The following REPS2 variants were observed in gnomAD, a reference collection of about 807,000 sequenced individuals.
REPS2 encodes ralBP1-associated Eps domain-containing protein 2.
A neutral mutation model predicts 53.6 loss-of-function variants in REPS2; 23 were observed. That is an observed-to-expected ratio of 0.43 (90% CI 0.31 to 0.61). REPS2 has a LOEUF of 0.61. REPS2 is among the 20% of genes least tolerant of loss of function. REPS2 has a pLI of 0.11. For synonymous variants in REPS2, 238 were observed against 218.6 expected (o/e 1.09, Z -0.78); for missense variants, 446 against 534.9 (o/e 0.83, Z 1.64).
intron 13 of REPS2, among the ~76,000 whole-genome samples, chrX:17,084,326 C>G (rs2062502095): frequency 8.9e-6 from 1 of 112,106 alleles, no homozygotes; most frequent in South Asian, 3.7e-4. Flanking sequence ...GTTGTTTCCA[C>G]TTTTTGACTA....
At chrX:17,008,777 G>A (rs1439845899) in intron 2 of REPS2, among the ~76,000 whole-genome samples, 1 of 111,392 alleles carries the variant, frequency 9.0e-6, no homozygotes, top group Non-Finnish European at 1.9e-5. Flanking sequence ...TAATCTGAAA[G>A]GCTGTGCTAG....
intron 1 of REPS2, among the ~76,000 whole-genome samples, chrX:16,965,681 A>T (rs943224535): frequency 2.8e-4 from 32 of 112,637 alleles, no homozygotes; most frequent in African/African-American, 1.0e-3. Context: ...GGCCGGGAAG[A>T]GGCGCTCCTC....
the REPS2 span, among the ~76,000 whole-genome samples, chrX:17,168,221 A>G: frequency 2.7e-5 from 3 of 111,779 alleles, no homozygotes; most frequent in African/African-American, 9.8e-5. Context: ...ACTCTCAACC[A>G]ATAGAAGGTA....
At chrX:17,167,248 G>A in the REPS2 span, among the ~76,000 whole-genome samples, 1 of 112,056 alleles carries the variant, frequency 8.9e-6, no homozygotes, top group Non-Finnish European at 1.9e-5. Flanking sequence ...TGGGTGGTAG[G>A]ATTATGAGGG....
rs2061060446 is a variant in REPS2 at position 16,984,178 on chromosome X, C to T, written c.274-22043C>T. Reference sequence around the variant, plus strand: ...ATGGAGATTGCAAACAAGTTGTCTTCCAGGGCTGCAGCGATCTGAAGACCT... The same window carrying T: ...ATGGAGATTGCAAACAAGTTGTCTTTCAGGGCTGCAGCGATCTGAAGACCT... On this transcript the variant is annotated intron_variant, in intron 1 of 17. Coordinates refer to ENST00000357277, the MANE Select transcript of REPS2 (RefSeq NM_004726.3). 3.6e-5 allele frequency among the ~76,000 whole-genome samples: 4 copies of T among 112,084 alleles called. No individual in the cohort carries two copies. In the South Asian group the frequency reaches 1.5e-3, roughly 42 times the overall value.
At position 17,149,147 on chromosome X, in the gene REPS2, T is replaced by C. The variant is rs964403490; in HGVS notation, c.*1666T>C. The C allele has an allele frequency of 4.1e-6, 1 of 246,071 alleles. No homozygotes were observed. The highest frequency in any genetic ancestry group is 1.1e-4 in the East Asian group (1 of 8,974). The allele number at this position is 246,071 out of a possible 1,213,427, so 20.3% of individuals were successfully genotyped here. On this transcript the variant is annotated 3_prime_UTR_variant, in exon 18 of 18. Coordinates refer to ENST00000357277, the MANE Select transcript of REPS2 (RefSeq NM_004726.3). ...AAACTTGAACTATTTTTCTATTCCCTTTTTTTCTTCCCCATTTGCTGCCTT... is the reference window on the plus strand; with the variant it reads ...AAACTTGAACTATTTTTCTATTCCCCTTTTTTCTTCCCCATTTGCTGCCTT...
Position 17,119,903 on chromosome X carries a change from G to T in REPS2, c.1579-13921G>T, listed in dbSNP as rs769811252. Among the ~76,000 whole-genome samples, 4 of 75,315 alleles carry T rather than the reference G, an allele frequency of 5.3e-5. No individual in the cohort carries two copies. The South Asian group carries it at 3.4e-3, about 64-fold the overall frequency. The allele number at this position is 75,315 out of a possible 115,157, so 65.4% of individuals were successfully genotyped here. ...TTTTTTTTTTTTTTTTTGAGAAAGA[G>T]TCTTGCTCCGTTGCCCAGGCTAGAG... On this transcript the variant is annotated intron_variant, in intron 14 of 17. Transcript: ENST00000357277.
chrX:16,952,586 C>T (rs1042518631), intron 1 of REPS2, among the ~76,000 whole-genome samples: 4 of 111,757 alleles, frequency 3.6e-5, no homozygotes, highest in Admixed American at 9.6e-5. Flanking sequence ...ACAATTTGTG[C>T]GCATGCCCTC....
At chrX:17,016,022 C>T (rs1051577601) in intron 2 of REPS2, among the ~76,000 whole-genome samples, 24 of 111,559 alleles carry the variant, frequency 2.2e-4, no homozygotes, top group Non-Finnish European at 4.1e-4. Context: ...GTTTACAGTC[C>T]CACCAACAGT....
chrX:17,043,160 C>G (rs191798507), intron 5 of REPS2, among the ~76,000 whole-genome samples: 1 of 110,582 alleles, frequency 9.0e-6, no homozygotes, highest in Admixed American at 9.7e-5. Flanking sequence ...AAGCATACAG[C>G]GAGAAGCAAG....
Position 17,046,505 on chromosome X carries a change from G to C in REPS2, c.772-842G>C, listed in dbSNP as rs2061909210. The stretch of plus-strand genomic sequence containing the variant: ...CTCATCCTTCTGGTGTTCACCTCTT[G>C]GTCCTGTTAAGGTGGCCCTTGGCAA... On this transcript the variant is annotated intron_variant, in intron 5 of 17. Transcript: ENST00000357277. Among the ~76,000 whole-genome samples the C allele has an allele frequency of 3.6e-5, 4 of 111,667 alleles. No individual in the cohort carries two copies. In the South Asian group the frequency reaches 1.5e-3, roughly 42 times the overall value.
chrX:17,123,083 A>G (rs1003264055), intron 14 of REPS2, among the ~76,000 whole-genome samples: 2 of 112,422 alleles, frequency 1.8e-5, no homozygotes, highest in Non-Finnish European at 3.8e-5. Flanking sequence ...TAAAGGCCTC[A>G]TAATGAAGTG....
intron 1 of REPS2, among the ~76,000 whole-genome samples, chrX:16,964,456 G>A (rs1039207112): frequency 6.5e-5 from 7 of 108,282 alleles, no homozygotes; most frequent in Non-Finnish European, 1.2e-4. Flanking sequence ...GCAACCATCC[G>A]ATTTCTCAAT....
At chrX:17,019,005 C>CTG (rs1314226184) in intron 2 of REPS2, among the ~76,000 whole-genome samples, 4 of 110,315 alleles carry the variant, frequency 3.6e-5, no homozygotes, top group African/African-American at 1.3e-4. Flanking sequence ...AGGGGTCTTA[C>CTG]TGTGTTGTCC....
At chrX:17,038,301 T>C (rs2061791484) in intron 5 of REPS2, among the ~76,000 whole-genome samples, 1 of 112,527 alleles carries the variant, frequency 8.9e-6, no homozygotes, top group African/African-American at 3.2e-5. Flanking sequence ...AAGTATGTGT[T>C]GAGCTGAGCT....
intron 8 of REPS2, among the ~76,000 whole-genome samples, chrX:17,059,342 A>G (rs1204354227): frequency 9.5e-6 from 1 of 105,457 alleles, no homozygotes; most frequent in Non-Finnish European, 1.9e-5. Flanking sequence ...CCTTTTTCCA[A>G]CTTTTTTCTA....
the REPS2 span, among the ~76,000 whole-genome samples, chrX:17,192,388 A>G: frequency 8.9e-6 from 1 of 112,138 alleles, no homozygotes; most frequent in African/African-American, 3.2e-5. Flanking sequence ...CCTGCCTCAG[A>G]CTGCAGTGCC....
chrX:17,064,145 C>T (rs2062196678), intron 9 of REPS2, among the ~76,000 whole-genome samples: 1 of 105,905 alleles, frequency 9.4e-6, no homozygotes, highest in Non-Finnish European at 1.9e-5. Flanking sequence ...AGCAAAACAA[C>T]AACAAAAAAT....
At chrX:17,155,215 ACT>A (rs1227073330), downstream of REPS2, among the ~76,000 whole-genome samples, 1 of 110,956 alleles carries the variant, frequency 9.0e-6, no homozygotes, top group African/African-American at 3.3e-5. Flanking sequence ...TGCTGGTGGG[ACT>A]CTCTGTAGAA....
Sources: allele counts gnomAD v4.1 joint callset (sites outside exome capture counted in the v4.1 genomes callset), GRCh38; gene constraint gnomAD v4.1.1; transcripts MANE v1.5; gene names NCBI Gene and HGNC (gene_info 2026-07-23, HGNC 2026-07-21).